ZNF292: variants seen among roughly 807,000 people sequenced by gnomAD.
ZNF292 encodes zinc finger protein 292.
In ZNF292, 26 loss-of-function variants were observed where a neutral mutation model predicts 217.9. The ratio of observed to expected loss-of-function variants is 0.12; its 90% CI spans 0.09 to 0.17. The LOEUF is 0.17. Among genes scored for constraint, ZNF292 ranks in the 10% least tolerant of loss-of-function variants. The pLI, the probability that ZNF292 is intolerant of heterozygous loss-of-function variation, is 1.00. For synonymous variants in ZNF292, 1,257 were observed against 1,124.1 expected (o/e 1.12, Z -2.37); for missense variants, 2,904 against 3,175.2 (o/e 0.91, Z 2.05).
chr6:87,255,207 G>A lies in ZNF292; in HGVS notation c.1578G>A (p.Glu526=), dbSNP rs1239743487. 2.5e-6 allele frequency: 4 copies of A among 1,613,726 alleles called. No individual in the cohort carries two copies. Among genetic ancestry groups the A allele is most frequent in the Non-Finnish European group, 3.4e-6 (4 of 1,179,852 alleles). ...QKKREIKQLR[E]RGFISARFRN... is the part of the protein sequence containing the mutation. The stretch of plus-strand genomic sequence containing the variant: ...AGAGAGAGATAAAACAGTTAAGAGA[G>A]AGGGGATTTATATCTGCTCGGTTTA... Residue 526 remains glutamate (E), a synonymous_variant, in exon 8 of 8, where the codon GAG becomes GAA. Transcript: ENST00000369577.
intron 5 of ZNF292, 50 bp downstream of exon 5, chr6:87,233,577 A>C: frequency 6.4e-7 from 1 of 1,569,700 alleles, no homozygotes; most frequent in Admixed American, 1.9e-5. Context: ...TGAGAAATTA[A>C]TTTTTAATTA....
At position 87,258,254 on chromosome 6, in the gene ZNF292, A is replaced by G. The variant is rs765738290; in HGVS notation, c.4625A>G (p.His1542Arg). 4 of 1,612,994 alleles carry G rather than the reference A, an allele frequency of 2.5e-6. No individual in the cohort carries two copies. Among genetic ancestry groups the G allele is most frequent in the African/African-American group, 1.3e-5 (1 of 74,906 alleles). Residue 1542 changes from histidine (H) to arginine (R), a missense_variant, in exon 8 of 8, where the codon CAT becomes CGT. Transcript: ENST00000369577. ...CCACCCCTGTTGCACACTGTATGCC[A>G]TCCAAACACCTTGCTGACCAACCAG... ...TVPPLLHTVC[H>R]PNTLLTNQNR...
intron 1 of ZNF292, among the ~76,000 whole-genome samples, chr6:87,198,202 T>G (rs1772012423): frequency 6.6e-6 from 1 of 151,338 alleles, no homozygotes; most frequent in South Asian, 2.1e-4. Context: ...ATTTATTTAT[T>G]TATTTATTTA....
chr6:87,238,809 C>T lies in ZNF292; in HGVS notation c.742-4666C>T, dbSNP rs978936769. Among the ~76,000 whole-genome samples, 16 of 151,362 alleles carry T rather than the reference C, an allele frequency of 1.1e-4. No homozygotes were observed. In the Middle Eastern group the frequency reaches 0.01, roughly 97 times the overall value. On this transcript the variant is annotated intron_variant, in intron 5 of 7. Coordinates refer to ENST00000369577, the MANE Select transcript of ZNF292 (RefSeq NM_015021.3). ...AAGTGAACAAAGGTCTCTGGTTTTC[C>T]TAGGCAGAGGACCCTGGGGCCTTCC...
At chr6:87,233,584 A>G in intron 5 of ZNF292, 57 bp downstream of exon 5, 1 of 1,565,380 alleles carries the variant, frequency 6.4e-7, no homozygotes, top group Non-Finnish European at 8.6e-7. Context: ...TTAATTTTTA[A>G]TTAGAATGTC....
At chr6:87,239,169 T>A (rs1244390472) in intron 5 of ZNF292, among the ~76,000 whole-genome samples, 1 of 152,268 alleles carries the variant, frequency 6.6e-6, no homozygotes, top group Non-Finnish European at 1.5e-5. Flanking sequence ...ATCGTCATCA[T>A]GGCCCGTTCT....
In ZNF292 at chr6:87,257,689, A is replaced by G; in HGVS notation, c.4060A>G (p.Lys1354Glu). The change falls in exon 8 of 8, where the codon AAG becomes GAG. Residue 1354 changes from lysine to glutamate, a missense_variant. Lys to Glu is a moderately conservative substitution (Grantham distance 56, BLOSUM62 1). Around this residue, in one of 15 missense-constraint regions of ZNF292, gnomAD observed 687 missense variants for 623.0 expected, o/e 1.10. Coordinates refer to ENST00000369577, the MANE Select transcript of ZNF292 (RefSeq NM_015021.3). ...AGACCGTGGGCGGGGCCCAAATGGG[A>G]AGGAAAGAAAACCTAAGCACAACAA... ...KKDRGRGPNG[K>E]ERKPKHNKRA... 6 of 1,612,566 alleles carry G rather than the reference A, an allele frequency of 3.7e-6. No homozygotes were observed. The highest frequency in any genetic ancestry group is 5.1e-6 in the Non-Finnish European group (6 of 1,179,188).
rs775139310 is a variant in ZNF292, at chr6:87,254,799, A to G, written c.1170A>G (p.Gln390=). 6.2e-7 allele frequency: 1 copy of G among 1,613,920 alleles called. No homozygotes were observed. Among genetic ancestry groups the G allele is most frequent in the Non-Finnish European group, 8.5e-7 (1 of 1,179,850 alleles). Reference sequence around the variant, plus strand: ...ATCTGGAAGTTAAACGTGCTTGTCAACTGAGTGAATTTCTTATTGAGCCTA... The same window carrying G: ...ATCTGGAAGTTAAACGTGCTTGTCAGCTGAGTGAATTTCTTATTGAGCCTA... ...PDDLEVKRAC[Q]LSEFLIEPTV... The change falls in exon 8 of 8, where the codon CAA becomes CAG. Residue 390 remains glutamine, a synonymous_variant. Coordinates refer to ENST00000369577, the MANE Select transcript of ZNF292 (RefSeq NM_015021.3).
intron 1 of ZNF292, among the ~76,000 whole-genome samples, chr6:87,168,729 C>G (rs554816320): frequency 1.7e-4 from 26 of 152,232 alleles, no homozygotes; most frequent in South Asian, 1.2e-3. Flanking sequence ...CTCAGCCTCC[C>G]AAATTGCTGG....
chr6:87,254,216 G>A (rs1562179302), intron 7 of ZNF292, among the ~76,000 whole-genome samples: 2 of 152,184 alleles, frequency 1.3e-5, no homozygotes, highest in Non-Finnish European at 1.5e-5. Context: ...ATGCAAACAG[G>A]AAGTAAGAGT....
intron 3 of ZNF292, among the ~76,000 whole-genome samples, chr6:87,216,948 A>G (rs1032514466): frequency 5.3e-5 from 8 of 152,020 alleles, no homozygotes; most frequent in African/African-American, 1.9e-4. Context: ...TATATGAGGT[A>G]CTACACAATT....
chr6:87,244,293 A>G (rs1774458206), intron 6 of ZNF292, among the ~76,000 whole-genome samples: 1 of 152,240 alleles, frequency 6.6e-6, no homozygotes, highest in African/African-American at 2.4e-5. Flanking sequence ...CTCGTTATGA[A>G]GGAAAAATAG....
At position 87,238,116 on chromosome 6, in the gene ZNF292, A is replaced by G. The variant is rs1252404457; in HGVS notation, c.741+4589A>G. Among the ~76,000 whole-genome samples the G allele has an allele frequency of 2.0e-5, 3 of 152,200 alleles. No homozygotes were observed. In the East Asian group the frequency reaches 5.8e-4, roughly 29 times the overall value. On this transcript the variant is annotated intron_variant, in intron 5 of 7. Coordinates refer to ENST00000369577, the MANE Select transcript of ZNF292 (RefSeq NM_015021.3). ...TGAAGTTTGCTGTGTTACTGAATGT[A>G]GCAGATGTTTCAGTTGGTATGTTGC...
rs1775737993 is a variant in ZNF292, at chr6:87,264,103, G to T, written c.*2302G>T. 1 of 152,204 alleles carries T rather than the reference G, an allele frequency of 6.6e-6. No individual in the cohort carries two copies. Among genetic ancestry groups the T allele is most frequent in the Non-Finnish European group, 1.5e-5 (1 of 67,996 alleles). 9.4% of individuals were successfully genotyped at this position (152,204 alleles called of 1,614,324 possible). ...AAAAAAAATCAAACTATGGTAAAAA[G>T]ACATGAATTTATAGAATAGCATGTT... On this transcript the variant is annotated 3_prime_UTR_variant, in exon 8 of 8. Transcript: ENST00000369577.
intron 1 of ZNF292, among the ~76,000 whole-genome samples, chr6:87,177,999 C>T (rs1017719839): frequency 6.6e-6 from 1 of 151,730 alleles, no homozygotes. Flanking sequence ...CTTATGTATC[C>T]TCCCTCACTT....
At chr6:87,195,247 G>A (rs769395619) in intron 1 of ZNF292, among the ~76,000 whole-genome samples, 8 of 152,062 alleles carry the variant, frequency 5.3e-5, no homozygotes, top group Non-Finnish European at 7.4e-5. Context: ...TTGCCTTTTC[G>A]CATTTTAGAT....
rs747967885 is a variant in ZNF292, at chr6:87,261,473, C to G, written c.7844C>G (p.Pro2615Arg). ...KQKKNTDKDHPNTGNKKGSHS... is the reference protein window; with the variant it reads ...KQKKNTDKDHRNTGNKKGSHS... ...AAGAAAAATACTGACAAAGACCATC[C>G]GAATACTGGAAACAAAAAAGGATCC... The change falls in exon 8 of 8, where the codon CCG becomes CGG. Residue 2615 changes from proline to arginine, a missense_variant. Coordinates refer to ENST00000369577, the MANE Select transcript of ZNF292 (RefSeq NM_015021.3). 1 of 1,603,876 alleles carries G rather than the reference C, an allele frequency of 6.2e-7. No homozygotes were observed. Among genetic ancestry groups the G allele is most frequent in the South Asian group, 1.1e-5 (1 of 89,824 alleles).
At position 87,254,740 on chromosome 6, in the gene ZNF292, A is replaced by G. The variant is rs1001247903; in HGVS notation, c.1111A>G (p.Ile371Val). Residue 371 changes from isoleucine to valine, a missense_variant, in exon 8 of 8, where the codon ATT (isoleucine) becomes GTT (valine). This residue lies in a region of ZNF292 where 313 missense variants were observed against 451.0 expected (regional missense o/e 0.69). Coordinates refer to ENST00000369577, the MANE Select transcript of ZNF292 (RefSeq NM_015021.3). The stretch of plus-strand genomic sequence containing the variant: ...AGAAAATACTGAAGTGAAAATATCT[A>G]TTTGCAAGACCATTTCATGTTTGTT... ...STENTEVKIS[I>V]CKTISCLLPD... 54 of 1,613,814 alleles carry G rather than the reference A, an allele frequency of 3.3e-5. No individual in the cohort carries two copies. Among genetic ancestry groups the G allele is most frequent in the East Asian group, 4.5e-5 (2 of 44,888 alleles).
chr6:87,156,248 C>G (rs1327908200), intron 1 of ZNF292, among the ~76,000 whole-genome samples: 2 of 152,206 alleles, frequency 1.3e-5, no homozygotes, highest in African/African-American at 2.4e-5. Flanking sequence ...CCGGCCCTGT[C>G]CTGGCTGTCT....
Sources: gnomAD v4.1 joint callset for allele counts (sites outside exome capture counted in the v4.1 genomes callset) on GRCh38, gnomAD v4.1.1 for gene constraint, gnomAD v4.1.1 regional missense constraint, MANE v1.5 for transcripts, NCBI Gene and HGNC (gene_info 2026-07-23, HGNC 2026-07-21) for gene names.